The following GNA14 variants were observed in gnomAD, a reference collection of about 807,000 sequenced individuals.
GNA14 encodes the protein guanine nucleotide-binding protein subunit alpha-14.
GNA14 carries 50 observed loss-of-function variants against 42.0 expected under a neutral mutation model. The ratio of observed to expected loss-of-function variants is 1.19; its 90% CI spans 0.95 to 1.51. The LOEUF is 1.51. Ranked by LOEUF, GNA14 falls within the 40% of genes most tolerant of loss-of-function variation. The pLI is 0.00. For missense variants in GNA14, 473 were observed against 446.2 expected (o/e 1.06, Z -0.54); for synonymous variants, 173 against 163.1 (o/e 1.06, Z -0.46).
At chr9:77,439,599 C>T (rs530204736) in intron 2 of GNA14, among the ~76,000 whole-genome samples, 14 of 152,148 alleles carry the variant, frequency 9.2e-5, no homozygotes, top group South Asian at 2.1e-4. Flanking sequence ...ATCGTGCCAC[C>T]GCACTTCGGC....
chr9:77,572,467 T>C (rs951521076), intron 1 of GNA14, among the ~76,000 whole-genome samples: 1 of 152,198 alleles, frequency 6.6e-6, no homozygotes, highest in Non-Finnish European at 1.5e-5. Flanking sequence ...TTTTATAGAA[T>C]ACATAAAAAG....
At chr9:77,463,453 AC>A (rs1450385231) in intron 2 of GNA14, among the ~76,000 whole-genome samples, 1 of 152,260 alleles carries the variant, frequency 6.6e-6, no homozygotes, top group Non-Finnish European at 1.5e-5. Context: ...ACAGATGCTA[AC>A]CTTTGCTTTT....
At chr9:77,617,439 C>T (rs1370282669) in intron 1 of GNA14, among the ~76,000 whole-genome samples, 1 of 152,082 alleles carries the variant, frequency 6.6e-6, no homozygotes, top group Non-Finnish European at 1.5e-5. Context: ...ACTCTACCTT[C>T]AGAACGTATA....
chr9:77,431,529 C>T, intron 3 of GNA14, 80 bp from the exon 4 acceptor site: 2 of 1,321,532 alleles, frequency 1.5e-6, no homozygotes, highest in South Asian at 2.8e-5. Flanking sequence ...AAGTCACCCC[C>T]CACTCACAGT....
chr9:77,434,996 A>G (rs1253630469), intron 2 of GNA14, among the ~76,000 whole-genome samples: 2 of 151,178 alleles, frequency 1.3e-5, no homozygotes, highest in Non-Finnish European at 2.9e-5. Flanking sequence ...TTGTCTTTAG[A>G]GAAGTGAAAC....
intron 1 of GNA14, among the ~76,000 whole-genome samples, chr9:77,641,648 C>T (rs1314283228): frequency 6.6e-6 from 1 of 152,060 alleles, no homozygotes; most frequent in African/African-American, 2.4e-5. Flanking sequence ...TGGAAAAGTT[C>T]CAGATTAAAG....
chr9:77,432,002 T>C (rs900898870), intron 3 of GNA14, among the ~76,000 whole-genome samples: 1 of 151,708 alleles, frequency 6.6e-6, no homozygotes, highest in Non-Finnish European at 1.5e-5. Flanking sequence ...GGAAACTACA[T>C]CTCCTAAAAT....
At chr9:77,478,379 AG>A (rs1175409690) in intron 2 of GNA14, among the ~76,000 whole-genome samples, 1 of 152,170 alleles carries the variant, frequency 6.6e-6, no homozygotes, top group Non-Finnish European at 1.5e-5. Context: ...ATGGCTGCAT[AG>A]TATTCCATGG....
intron 1 of GNA14, among the ~76,000 whole-genome samples, chr9:77,637,511 T>C (rs7867382): frequency 0.35 from 52,786 of 152,092 alleles, 13,235 homozygotes; most frequent in African/African-American, 0.67. Context: ...TCAGCAACCC[T>C]ATAATTTTCT....
At chr9:77,636,323 A>G (rs2118019864) in intron 1 of GNA14, among the ~76,000 whole-genome samples, 1 of 152,326 alleles carries the variant, frequency 6.6e-6, no homozygotes, top group South Asian at 2.1e-4. Flanking sequence ...GCAAAACAAT[A>G]AAACATACAT....
intron 5 of GNA14, among the ~76,000 whole-genome samples, chr9:77,426,335 C>T (rs769051371): frequency 6.6e-6 from 1 of 151,684 alleles, no homozygotes; most frequent in Non-Finnish European, 1.5e-5. Context: ...GATGGAGTCT[C>T]GCTGTGTCGC....
chr9:77,581,150 T>C (rs1333749159), intron 1 of GNA14, among the ~76,000 whole-genome samples: 1 of 152,176 alleles, frequency 6.6e-6, no homozygotes, highest in African/African-American at 2.4e-5. Context: ...AGGGTGTGTT[T>C]ACGGGCAGGG....
intron 2 of GNA14, among the ~76,000 whole-genome samples, chr9:77,505,836 G>T (rs1332075408): frequency 6.6e-6 from 1 of 152,162 alleles, no homozygotes; most frequent in East Asian, 1.9e-4. Flanking sequence ...CAGGTAACAG[G>T]TGCATGATAA....
At chr9:77,433,079 A>G (rs1835584715) in intron 3 of GNA14, among the ~76,000 whole-genome samples, 1 of 152,198 alleles carries the variant, frequency 6.6e-6, no homozygotes, top group Admixed American at 6.5e-5. Flanking sequence ...TCAGCCCGGG[A>G]TAAACACCAA....
At chr9:77,498,608 C>T (rs978051826) in intron 2 of GNA14, among the ~76,000 whole-genome samples, 6 of 152,136 alleles carry the variant, frequency 3.9e-5, no homozygotes, top group Non-Finnish European at 8.8e-5. Context: ...ATGCCTGGCA[C>T]ACAGTGGGCA....
chr9:77,478,635 G>C (rs909255220), intron 2 of GNA14, among the ~76,000 whole-genome samples: 19 of 152,278 alleles, frequency 1.2e-4, no homozygotes, highest in African/African-American at 2.9e-4. Context: ...CTAGTTTAGA[G>C]TCCCACCAAC....
chr9:77,533,582 T>C (rs946963254), intron 1 of GNA14, among the ~76,000 whole-genome samples: 3 of 152,152 alleles, frequency 2.0e-5, no homozygotes, highest in African/African-American at 2.4e-5. Flanking sequence ...CCCTGGCCAG[T>C]AATACATTCA....
chr9:77,597,145 C>G (rs911373135), intron 1 of GNA14, among the ~76,000 whole-genome samples: 1 of 152,170 alleles, frequency 6.6e-6, no homozygotes, highest in African/African-American at 2.4e-5. Context: ...ATTTTACTAT[C>G]TTATTTCAAG....
chr9:77,533,380 A>G (rs1053089781), intron 1 of GNA14, among the ~76,000 whole-genome samples: 23 of 152,102 alleles, frequency 1.5e-4, no homozygotes, highest in Admixed American at 1.0e-3. Context: ...GGGTTTCGCC[A>G]TGTTGCCCAG....
Sources: gnomAD v4.1 joint callset for allele counts (sites outside exome capture counted in the v4.1 genomes callset) on GRCh38, gnomAD v4.1.1 for gene constraint, MANE v1.5 for transcripts, NCBI Gene and HGNC (gene_info 2026-07-23, HGNC 2026-07-21) for gene names.